C1QTNF3: variants seen among roughly 807,000 people sequenced by gnomAD.
The protein encoded by C1QTNF3 is complement C1q tumor necrosis factor-related protein 3.
Under a neutral mutation model 32.6 loss-of-function variants are expected in C1QTNF3, and 26 were observed. The observed-to-expected ratio is 0.80, with a 90% CI of 0.58 to 1.11. The LOEUF (loss-of-function observed/expected upper bound fraction) is 1.11. C1QTNF3 is among the 50% of genes least tolerant of loss of function. C1QTNF3 has a pLI of 0.00. For synonymous variants in C1QTNF3, 155 were observed against 146.0 expected, an observed-to-expected ratio of 1.06 and a Z score of -0.44; for missense variants, 362 against 398.2, an observed-to-expected ratio of 0.91 and a Z score of 0.77.
In C1QTNF3 at chr5:34,043,063, C is replaced by T; in HGVS notation, c.63G>A (p.Leu21=). The part of the protein sequence containing the change: ...LLALFFLPFC[L]CQDEYMEVSG... Reference sequence around the variant, plus strand: ...TCACCTCCATGTATTCATCTTGACACAGGCAAAAAGGGAGGAAAAACAAAG... The same window carrying T: ...TCACCTCCATGTATTCATCTTGACATAGGCAAAAAGGGAGGAAAAACAAAG... Residue 21 remains leucine, a synonymous_variant, in exon 1 of 6, where the codon CTG becomes CTA. Coordinates refer to ENST00000382065, the MANE Select transcript of C1QTNF3 (RefSeq NM_181435.6). 3 of 1,613,644 alleles carry T rather than the reference C, an allele frequency of 1.9e-6. No homozygotes were observed. The highest frequency in any genetic ancestry group is 1.1e-5 in the South Asian group (1 of 91,048).
At chr5:34,197,755 A>G in the C1QTNF3 span, among the ~76,000 whole-genome samples, 4 of 151,974 alleles carry the variant, frequency 2.6e-5, no homozygotes, top group Non-Finnish European at 4.4e-5. Flanking sequence ...GCTATAGAAT[A>G]CCATAGACAG....
At chr5:34,159,866 C>T in the C1QTNF3 span, among the ~76,000 whole-genome samples, 1 of 145,446 alleles carries the variant, frequency 6.9e-6, no homozygotes, top group Non-Finnish European at 1.5e-5. Flanking sequence ...AACATAGAAA[C>T]ATGCCAAAGT....
chr5:34,072,420 A>AGAAAGAAC, the C1QTNF3 span, among the ~76,000 whole-genome samples: 4 of 113,098 alleles, frequency 3.5e-5, no homozygotes, highest in East Asian at 2.5e-4. Context: ...AAAGAAAGAA[A>AGAAAGAAC]GAACAGAAAT....
the C1QTNF3 span, among the ~76,000 whole-genome samples, chr5:34,103,862 T>C: frequency 6.6e-6 from 1 of 152,094 alleles, no homozygotes; most frequent in Non-Finnish European, 1.5e-5. Context: ...TTTATATATG[T>C]ATATTTATTT....
chr5:34,171,216 C>A, the C1QTNF3 span, among the ~76,000 whole-genome samples: 1 of 151,668 alleles, frequency 6.6e-6, no homozygotes, highest in Non-Finnish European at 1.5e-5. Flanking sequence ...TCAGGGTTTC[C>A]ACCGAGATAT....
the C1QTNF3 span, among the ~76,000 whole-genome samples, chr5:34,228,444 AAGTC>A: frequency 6.6e-6 from 1 of 151,568 alleles, no homozygotes; most frequent in Non-Finnish European, 1.5e-5. Flanking sequence ...CATAGGAAAA[AAGTC>A]AATATCAGGC....
chr5:34,143,896 A>G, the C1QTNF3 span, among the ~76,000 whole-genome samples: 1 of 152,194 alleles, frequency 6.6e-6, no homozygotes, highest in Non-Finnish European at 1.5e-5. Flanking sequence ...CACTCAGCTA[A>G]CAACATGATG....
At chr5:34,160,336 T>C in the C1QTNF3 span, among the ~76,000 whole-genome samples, 1 of 152,212 alleles carries the variant, frequency 6.6e-6, no homozygotes, top group East Asian at 1.9e-4. Flanking sequence ...CTCAAAAGGA[T>C]ATTGCCCCAA....
chr5:34,203,460 G>T, the C1QTNF3 span, among the ~76,000 whole-genome samples: 1 of 152,176 alleles, frequency 6.6e-6, no homozygotes, highest in African/African-American at 2.4e-5. Flanking sequence ...GGCCGAGGTG[G>T]GTGGACCACG....
intron 3 of C1QTNF3, among the ~76,000 whole-genome samples, chr5:34,030,737 G>A (rs1351509806): frequency 6.6e-6 from 1 of 152,132 alleles, no homozygotes; most frequent in Non-Finnish European, 1.5e-5. Flanking sequence ...ATACACCATG[G>A]AATACTGTGC....
chr5:34,153,984 T>C, the C1QTNF3 span, among the ~76,000 whole-genome samples: 21 of 151,566 alleles, frequency 1.4e-4, no homozygotes, highest in Non-Finnish European at 1.8e-4. Context: ...TTAGATAGTA[T>C]AGATTAATCA....
chr5:34,184,247 G>GA, the C1QTNF3 span, among the ~76,000 whole-genome samples: 21 of 151,244 alleles, frequency 1.4e-4, no homozygotes, highest in African/African-American at 4.4e-4. Flanking sequence ...AAATTTACAA[G>GA]AAAAAAAAAA....
the C1QTNF3 span, among the ~76,000 whole-genome samples, chr5:34,224,912 G>C: frequency 2.0e-5 from 3 of 151,986 alleles, no homozygotes; most frequent in Non-Finnish European, 4.4e-5. Context: ...ATCTGACAAA[G>C]GGCTAACATC....
chr5:34,223,901 C>G, the C1QTNF3 span, among the ~76,000 whole-genome samples: 1 of 151,996 alleles, frequency 6.6e-6, no homozygotes, highest in Non-Finnish European at 1.5e-5. Context: ...TCTAGAAAAC[C>G]CCATTGTCTC....
chr5:34,059,140 C>T, the C1QTNF3 span, among the ~76,000 whole-genome samples: 15 of 152,266 alleles, frequency 9.9e-5, no homozygotes, highest in African/African-American at 2.4e-4. Context: ...AGACAGCAGA[C>T]GTTTATTTTC....
the C1QTNF3 span, among the ~76,000 whole-genome samples, chr5:34,097,371 G>C: frequency 6.6e-6 from 1 of 151,486 alleles, no homozygotes; most frequent in Non-Finnish European, 1.5e-5. Flanking sequence ...TTTTCAAGTT[G>C]ACTATACCAG....
the C1QTNF3 span, among the ~76,000 whole-genome samples, chr5:34,198,858 T>C: frequency 2.7e-5 from 2 of 74,420 alleles, no homozygotes; most frequent in Admixed American, 1.5e-4. Context: ...CAGTGAACTT[T>C]ATCGCTGAAA....
chr5:34,102,821 C>T, the C1QTNF3 span, among the ~76,000 whole-genome samples: 436 of 146,338 alleles, frequency 3.0e-3, no homozygotes, highest in African/African-American at 0.01. Flanking sequence ...CATCACACAC[C>T]GGGGCCTGTT....
chr5:34,222,551 T>C, the C1QTNF3 span, among the ~76,000 whole-genome samples: 1 of 151,958 alleles, frequency 6.6e-6, no homozygotes, highest in East Asian at 1.9e-4. Flanking sequence ...ATTGATTCTG[T>C]GCACATTTGC....
Sources: allele counts gnomAD v4.1 joint callset (sites outside exome capture counted in the v4.1 genomes callset), GRCh38; gene constraint gnomAD v4.1.1; transcripts MANE v1.5; gene names NCBI Gene and HGNC (gene_info 2026-07-23, HGNC 2026-07-21).